Variants in TRIML1 observed in about 807,000 individuals in gnomAD.
The protein encoded by TRIML1 is probable E3 ubiquitin-protein ligase TRIML1.
A neutral mutation model predicts 32.3 loss-of-function variants in TRIML1; 34 were observed. The ratio of observed to expected loss-of-function variants is 1.05; its 90% CI spans 0.80 to 1.40. The LOEUF (loss-of-function observed/expected upper bound fraction) is 1.40. Ranked by LOEUF, TRIML1 falls within the 40% of genes most tolerant of loss-of-function variation. The pLI is 0.00. For missense variants in TRIML1, 595 were observed against 574.9 expected, an observed-to-expected ratio of 1.03 and a Z score of -0.36; for synonymous variants, 244 against 226.6, an observed-to-expected ratio of 1.08 and a Z score of -0.69.
At chr4:188,148,305 C>T (rs544525068), downstream of TRIML1, among the ~76,000 whole-genome samples, 2 of 151,978 alleles carry the variant, frequency 1.3e-5, no homozygotes, top group African/African-American at 2.4e-5. Flanking sequence ...ACCAGCCTGA[C>T]CAACATGGAG....
rs1734897011 is a variant in TRIML1, at chr4:188,142,419, C to A, written c.672C>A (p.Ser224Arg). ...NEIKLTQQIR[S>R]LSKMIAQIES... ...TCAAACTGACCCAGCAAATCAGAAGCCTAAGCAAAATGATCGCACAGATTG... is the reference window on the plus strand; with the variant it reads ...TCAAACTGACCCAGCAAATCAGAAGACTAAGCAAAATGATCGCACAGATTG... Residue 224 changes from serine (S) to arginine (R), a missense_variant, in exon 3 of 6, where the codon AGC becomes AGA. Coordinates refer to ENST00000332517, the MANE Select transcript of TRIML1 (RefSeq NM_178556.5). 1.2e-6 allele frequency: 2 copies of A among 1,613,700 alleles called. No homozygotes were observed. Among genetic ancestry groups the A allele is most frequent in the Non-Finnish European group, 1.7e-6 (2 of 1,179,974 alleles).
rs200370853 is a variant in TRIML1 at position 188,142,660 on chromosome 4, G to A, written c.735+178G>A. On this transcript the variant is annotated intron_variant, in intron 3 of 5. Coordinates refer to ENST00000332517, the MANE Select transcript of TRIML1 (RefSeq NM_178556.5). Reference sequence around the variant, plus strand: ...AAGCCTTATAGAAGAGAGAGAGAGAGAAAAAAAAAAACACATCCAGAGGAA... The same window carrying A: ...AAGCCTTATAGAAGAGAGAGAGAGAAAAAAAAAAAAACACATCCAGAGGAA... 1.0e-3 allele frequency among the ~76,000 whole-genome samples: 142 copies of A among 139,326 alleles called. 1 individual carries two copies. In the East Asian group the frequency reaches 0.013, roughly 12 times the overall value. The allele number at this position is 139,326 out of a possible 152,430, so 91.4% of individuals were successfully genotyped here.
chr4:188,143,653 G>C, intron 3 of TRIML1, 185 bp from the exon 4 acceptor site: 1 of 701,610 alleles, frequency 1.4e-6, no homozygotes, highest in Non-Finnish European at 2.5e-6. Flanking sequence ...GAAACACCTT[G>C]TGTTCACCAC....
chr4:188,145,066 A>T (rs927294286), intron 5 of TRIML1, among the ~76,000 whole-genome samples: 1 of 152,122 alleles, frequency 6.6e-6, no homozygotes, highest in Non-Finnish European at 1.5e-5. Context: ...AGAATTTTCA[A>T]TGAAATTGAG....
upstream of TRIML1, chr4:188,139,408 T>C (rs1357186406): frequency 1.4e-6 from 1 of 735,558 alleles, no homozygotes; most frequent in Non-Finnish European, 2.2e-6. Flanking sequence ...TGTCAGCTGG[T>C]GAAATCAGGC....
At chr4:188,138,576 T>C (rs990207927), upstream of TRIML1, among the ~76,000 whole-genome samples, 2 of 152,138 alleles carry the variant, frequency 1.3e-5, no homozygotes, top group Non-Finnish European at 2.9e-5. Context: ...CGGAGTTCAC[T>C]GTGCACAGTC....
intron 4 of TRIML1, 86 bp from the exon 5 acceptor site, chr4:188,143,950 T>G (rs9784566): frequency 0.88 from 1,411,716 of 1,606,864 alleles, 623,248 homozygotes; most frequent in Non-Finnish European, 0.9. Context: ...TCTGCGCTGT[T>G]GCTGGGGGAG....
chr4:188,142,054 TTGCAGTGAGCCGAGATTGCGCCAC>T (rs1734874068), intron 2 of TRIML1, among the ~76,000 whole-genome samples, 174 bp from the exon 3 acceptor site: 2 of 149,682 alleles, frequency 1.3e-5, no homozygotes, highest in East Asian at 3.9e-4. Context: ...GAGGCAGAGG[TTGCAGTGAGCCGAGATTGCGCCAC>T]TGCACTTCAG....
upstream of TRIML1, chr4:188,139,420 C>T (rs552980134): frequency 1.7e-4 from 142 of 811,848 alleles, no homozygotes; most frequent in Admixed American, 4.2e-4. Context: ...AAATCAGGCA[C>T]AGAAGAGATA....
downstream of TRIML1, among the ~76,000 whole-genome samples, chr4:188,148,139 C>T (rs1735155815): frequency 6.6e-6 from 1 of 152,112 alleles, no homozygotes; most frequent in South Asian, 2.1e-4. Flanking sequence ...TTGTGGTTTG[C>T]TGTAAGCAGA....
chr4:188,143,154 C>T (rs62351461), intron 3 of TRIML1: 10,852 of 151,556 alleles, frequency 0.072, 481 homozygotes, highest in East Asian at 0.2. Context: ...CTCCTGGGTT[C>T]AAGCAATTCT....
chr4:188,143,703 T>A, intron 3 of TRIML1, 135 bp from the exon 4 acceptor site: 1 of 1,043,474 alleles, frequency 9.6e-7, no homozygotes, highest in Non-Finnish European at 1.5e-6. Flanking sequence ...TTTTCTCTGC[T>A]CTCTGTGCTC....
rs1259167087 is a variant in TRIML1 at position 188,146,878 on chromosome 4, C to G, written c.913C>G (p.Leu305Val). Residue 305 changes from leucine (L) to valine (V), a missense_variant, in exon 6 of 6, where the codon CTG becomes GTG. Physicochemically the swap from Leu to Val is conservative, Grantham distance 32 (BLOSUM62 1). Transcript: ENST00000332517. ...ANAYLVLSED[L>V]KSVKYGGSRQ... ...TGCCTATCTCGTGTTGTCGGAGGAT[C>G]TGAAGAGTGTGAAATATGGGGGAAG... 3 of 1,486,084 alleles carry G rather than the reference C, an allele frequency of 2.0e-6. No homozygotes were observed. The East Asian group carries it at 7.0e-5, about 35-fold the overall frequency. The allele number at this position is 1,486,084 out of a possible 1,614,324, so 92.1% of individuals were successfully genotyped here. A position where few individuals can be genotyped will look rare whatever the true frequency, so the allele number is the denominator to read the frequency against.
At chr4:188,141,881 G>A (rs900585830) in intron 2 of TRIML1, among the ~76,000 whole-genome samples, 4 of 152,018 alleles carry the variant, frequency 2.6e-5, no homozygotes, top group Admixed American at 6.6e-5. Flanking sequence ...GGGAGGCTGA[G>A]GAGGGTGGGT....
chr4:188,142,206 TCGTGTG>T (rs2111228349), intron 2 of TRIML1, 40 bp from the exon 3 acceptor site: 4 of 1,135,676 alleles, frequency 3.5e-6, no homozygotes, highest in East Asian at 5.2e-5. Flanking sequence ...TAACTTTATC[TCGTGTG>T]TGTGTGTGTG....
downstream of TRIML1, among the ~76,000 whole-genome samples, chr4:188,149,039 G>A (rs1192150488): frequency 2.0e-5 from 3 of 148,236 alleles, no homozygotes; most frequent in African/African-American, 2.5e-5. Context: ...TCAGCCTCCC[G>A]AGTAGCTGGG....
chr4:188,140,057 A>G, intron 1 of TRIML1, 91 bp downstream of exon 1: 1 of 1,367,282 alleles, frequency 7.3e-7, no homozygotes, highest in Middle Eastern at 2.2e-4. Context: ...TGTGGGGGAC[A>G]GTCACGAGGG....
Position 188,139,677 on chromosome 4 carries a change from T to A in TRIML1, c.119T>A (p.Leu40His), listed in dbSNP as rs1487330612. Reference protein sequence around the residue: ...ECGHSFCLVCLLRSWEEHNTP... With the variant: ...ECGHSFCLVCHLRSWEEHNTP... ...GGGCACAGCTTTTGTCTGGTGTGTC[T>A]CCTCAGGAGCTGGGAGGAACATAAC... The change falls in exon 1 of 6, where the codon CTC becomes CAC. Residue 40 changes from leucine (L) to histidine (H), a missense_variant. Physicochemically the swap from Leu to His is moderately conservative, Grantham distance 99. Coordinates refer to ENST00000332517, the MANE Select transcript of TRIML1 (RefSeq NM_178556.5). The A allele has an allele frequency of 2.5e-6, 4 of 1,613,974 alleles. No homozygotes were observed. The highest frequency in any genetic ancestry group is 2.5e-6 in the Non-Finnish European group (3 of 1,180,026).
chr4:188,150,631 A>C (rs769341698), downstream of TRIML1, among the ~76,000 whole-genome samples: 2 of 152,008 alleles, frequency 1.3e-5, no homozygotes, highest in Non-Finnish European at 2.9e-5. Flanking sequence ...TAATCCAGTG[A>C]TACATCCTTT....
Sources: allele counts gnomAD v4.1 joint callset (sites outside exome capture counted in the v4.1 genomes callset), GRCh38; gene constraint gnomAD v4.1.1; transcripts MANE v1.5; gene names NCBI Gene and HGNC (gene_info 2026-07-23, HGNC 2026-07-21).